UNK: variants seen among roughly 807,000 people sequenced by gnomAD.
The protein encoded by UNK is RING finger protein unkempt homolog.
UNK carries 32 observed loss-of-function variants against 97.6 expected under a neutral mutation model. The observed-to-expected ratio is 0.33, with a 90% CI of 0.25 to 0.44. UNK has a LOEUF of 0.44. Ranked by LOEUF, UNK falls within the 20% of genes least tolerant of loss-of-function variation. The pLI is 1.00. For missense variants in UNK, 771 were observed against 1,098.4 expected (o/e 0.70, Z 4.21); for synonymous variants, 441 against 461.2 (o/e 0.96, Z 0.56).
rs72860369 is a variant in UNK at position 75,797,811 on chromosome 17, C to G, written c.105-11949C>G. On this transcript the variant is annotated intron_variant, in intron 1 of 15. Coordinates refer to ENST00000589666, the MANE Select transcript of UNK (RefSeq NM_001080419.3). ...GTGAGTTATTCCACCGGCTCAATCT[C>G]TTGTCCCTTTTGTTGGGCTTACATC... 9.7e-3 allele frequency among the ~76,000 whole-genome samples: 1,471 copies of G among 152,304 alleles called. 6 individuals are homozygous for G. The highest frequency in any genetic ancestry group is 0.016 in the Admixed American group (245 of 15,294).
chr17:75,793,521 C>T, intron 1 of UNK: 1 of 985,368 alleles, frequency 1.0e-6, no homozygotes, highest in South Asian at 4.7e-5. Flanking sequence ...AAAAATCTCA[C>T]AGCATTCTCT....
intron 1 of UNK, among the ~76,000 whole-genome samples, chr17:75,802,304 G>C (rs759697702): frequency 8.1e-6 from 1 of 122,716 alleles, no homozygotes; most frequent in Non-Finnish European, 1.6e-5. Flanking sequence ...TGTCACCCAG[G>C]CTGGCATGCA....
rs11335367 is a variant in UNK, at chr17:75,784,994, G to GC, written c.104+23dup. The GC allele has an allele frequency of 7.0e-3, 7,529 of 1,071,206 alleles. 12 individuals carry two copies. Among genetic ancestry groups the GC allele is most frequent in the Non-Finnish European group, 7.6e-3 (6,216 of 816,606 alleles). 66.4% of individuals were successfully genotyped at this position (1,071,206 alleles called of 1,614,324 possible). ...AACCGCAGCACTACACGTACGTAGA[G>GC]CCCCCCCCCCCCCGCCGCGCGCGCA... On this transcript the variant is annotated intron_variant, in intron 1 of 15. Transcript: ENST00000589666.
chr17:75,805,008 C>T (rs1048170145), intron 1 of UNK, among the ~76,000 whole-genome samples: 3 of 150,816 alleles, frequency 2.0e-5, no homozygotes, highest in South Asian at 2.1e-4. Flanking sequence ...AGTGAAACCC[C>T]GTCTCTACTA....
rs2062050562 is a variant in UNK at position 75,819,864 on chromosome 17, C to T, written c.1649-56C>T. 1 of 1,603,828 alleles carries T rather than the reference C, an allele frequency of 6.2e-7. No individual in the cohort carries two copies. The highest frequency in any genetic ancestry group is 8.5e-7 in the Non-Finnish European group (1 of 1,174,600). ...GGCTCAGGCCCCTTGCTCTGTGTGGCCCGCCTGGCTTCCGCTGCCCTCACC... is the reference window on the plus strand; with the variant it reads ...GGCTCAGGCCCCTTGCTCTGTGTGGTCCGCCTGGCTTCCGCTGCCCTCACC... On this transcript the variant is annotated intron_variant, in intron 12 of 15. Coordinates refer to ENST00000589666, the MANE Select transcript of UNK (RefSeq NM_001080419.3). This position sits in a 1 kb window ranked among gnomAD's most constrained non-coding sequence, Gnocchi z 5.4.
chr17:75,821,814 G>A (rs2062071495), intron 13 of UNK: 1 of 436,930 alleles, frequency 2.3e-6, no homozygotes, highest in Non-Finnish European at 4.6e-6. Context: ...GTGAGCAGAG[G>A]GCAGCTGGGT....
Position 75,816,893 on chromosome 17 carries a change from A to G in UNK, c.1085A>G (p.His362Arg). Residue 362 changes from histidine (H) to arginine (R), a missense_variant, in exon 8 of 16, where the codon CAT (histidine) becomes CGT (arginine). Transcript: ENST00000589666. This position sits in a 1 kb window ranked among gnomAD's most constrained non-coding sequence, Gnocchi z 4.0. The stretch of plus-strand genomic sequence containing the variant: ...GTGCCTGTGAGCCCCTCCAGCCCGC[A>G]TGCCCCTGACCTCAGTGCCGTACGT... ...DSVPVSPSSP[H>R]APDLSALLCR... The G allele has an allele frequency of 3.1e-6, 5 of 1,605,080 alleles. No individual in the cohort carries two copies. The highest frequency in any genetic ancestry group is 2.2e-5 in the East Asian group (1 of 44,802).
At chr17:75,792,360 C>T in intron 1 of UNK, 3 of 985,292 alleles carry the variant, frequency 3.0e-6, no homozygotes, top group African/African-American at 1.7e-5. Flanking sequence ...TATGCATCTT[C>T]TCTGTTTTGA....
In UNK at chr17:75,818,735, G is replaced by A. The variant is rs1360201123; in HGVS notation, c.1465G>A (p.Val489Met). The A allele has an allele frequency of 5.0e-6, 8 of 1,613,158 alleles. No homozygotes were observed. Among genetic ancestry groups the A allele is most frequent in the Non-Finnish European group, 5.9e-6 (7 of 1,179,616 alleles). The change falls in exon 11 of 16, where the codon GTG becomes ATG. Residue 489 changes from valine to methionine, a missense_variant. By Grantham distance (21) the Val-to-Met change is conservative. Transcript: ENST00000589666. The surrounding 1 kb of genome is among the most constrained non-coding windows in gnomAD (Gnocchi z 5.1). ...CCTGGCAGCTACCCCCCCTAGCCCAGTGGGCACCAGCAGCGTCCCCGGCAT... is the reference window on the plus strand; with the variant it reads ...CCTGGCAGCTACCCCCCCTAGCCCAATGGGCACCAGCAGCGTCCCCGGCAT... ...SSLAATPPSP[V>M]GTSSVPGMNA... is the part of the protein sequence containing the mutation.
rs376444550 is a variant in UNK, at chr17:75,811,095, G to A, written c.315-1017G>A. Among the ~76,000 whole-genome samples, 25 of 152,156 alleles carry A rather than the reference G, an allele frequency of 1.6e-4. No homozygotes were observed. The East Asian group carries it at 1.7e-3, about 11-fold the overall frequency. Reference sequence around the variant, plus strand: ...CTCCCAAGTAGCTGGGATTACAGGCGCAGGCCACCACGCCCTGCTAATTTT... The same window carrying A: ...CTCCCAAGTAGCTGGGATTACAGGCACAGGCCACCACGCCCTGCTAATTTT... On this transcript the variant is annotated intron_variant, in intron 2 of 15. Transcript: ENST00000589666.
chr17:75,791,783 T>C (rs1286277981), intron 1 of UNK: 13 of 985,440 alleles, frequency 1.3e-5, no homozygotes, highest in Non-Finnish European at 3.6e-6. Flanking sequence ...TAAAGAAGGC[T>C]TCCCCACAAC....
intron 6 of UNK, among the ~76,000 whole-genome samples, chr17:75,814,573 G>T (rs1488938037): frequency 6.7e-6 from 1 of 150,104 alleles, no homozygotes; most frequent in African/African-American, 2.4e-5. Context: ...TAGATTATCA[G>T]CAACCTCCCT....
At chr17:75,787,763 T>G (rs2061725996) in intron 1 of UNK, among the ~76,000 whole-genome samples, 1 of 150,620 alleles carries the variant, frequency 6.6e-6, no homozygotes, top group South Asian at 2.1e-4. Context: ...AGGCAGAGGT[T>G]GCAGTGAGCA....
chr17:75,811,818 C>T (rs1463570420), intron 2 of UNK, among the ~76,000 whole-genome samples: 2 of 152,170 alleles, frequency 1.3e-5, no homozygotes, highest in Non-Finnish European at 2.9e-5. Context: ...GAAACCCCGT[C>T]TCTACTAAAA....
At chr17:75,791,548 T>C (rs1428868830) in intron 1 of UNK, among the ~76,000 whole-genome samples, 2 of 152,228 alleles carry the variant, frequency 1.3e-5, no homozygotes, top group African/African-American at 4.8e-5. Context: ...CTGGATCTTA[T>C]TTACTTGTTT....
At chr17:75,796,996 A>T (rs1030032537) in intron 1 of UNK, among the ~76,000 whole-genome samples, 1 of 152,204 alleles carries the variant, frequency 6.6e-6, no homozygotes, top group Non-Finnish European at 1.5e-5. Flanking sequence ...AGTAGCTAGC[A>T]GGGTTAACAT....
chr17:75,820,737 G>A (rs1317236732), intron 13 of UNK, among the ~76,000 whole-genome samples: 2 of 152,164 alleles, frequency 1.3e-5, no homozygotes, highest in Non-Finnish European at 2.9e-5. Context: ...CTCCTCTTGT[G>A]TGTGTCAGGG....
In UNK at chr17:75,819,824, C is replaced by A; in HGVS notation, c.1648+39C>A. 6.2e-7 allele frequency: 1 copy of A among 1,612,262 alleles called. No homozygotes were observed. On this transcript the variant is annotated intron_variant, in intron 12 of 15. Transcript: ENST00000589666. The surrounding 1 kb of genome is among the most constrained non-coding windows in gnomAD (Gnocchi z 5.4). ...GTGGGCAGGGCAGCCTGGAGGACTC[C>A]TCGGGTTCCTGCCTGGCTCAGGCCC...
At chr17:75,791,017 G>C (rs1329669984) in intron 1 of UNK, among the ~76,000 whole-genome samples, 1 of 152,134 alleles carries the variant, frequency 6.6e-6, no homozygotes, top group Admixed American at 6.6e-5. Flanking sequence ...TTGACCCCAT[G>C]AGAGGAAGTA....
Sources: gnomAD v4.1 joint callset for allele counts (sites outside exome capture counted in the v4.1 genomes callset) on GRCh38, gnomAD v4.1.1 for gene constraint, Gnocchi (gnomAD v3.1) non-coding constraint, MANE v1.5 for transcripts, NCBI Gene and HGNC (gene_info 2026-07-23, HGNC 2026-07-21) for gene names.